LINGO2: variants seen among roughly 807,000 people sequenced by gnomAD.
The protein encoded by LINGO2 is leucine-rich repeat and immunoglobulin-like domain-containing nogo receptor-interacting protein 2.
Under a neutral mutation model 30.6 loss-of-function variants are expected in LINGO2, and 14 were observed. The ratio of observed to expected loss-of-function variants is 0.46; its 90% CI spans 0.30 to 0.72. LINGO2 has a LOEUF of 0.72. LINGO2 is among the 30% of genes least tolerant of loss of function. The probability of loss-of-function intolerance (pLI) is 0.07; values close to 1 mark genes in which losing one functional copy is unlikely to be tolerated. For synonymous variants in LINGO2, 317 were observed against 288.5 expected (o/e 1.10, Z -1.00); for missense variants, 729 against 751.7 (o/e 0.97, Z 0.35).
intron 4 of LINGO2, among the ~76,000 whole-genome samples, chr9:28,278,500 A>C (rs1564091610): frequency 1.3e-5 from 2 of 152,188 alleles, no homozygotes; most frequent in Non-Finnish European, 2.9e-5. Context: ...ATGCTCCTTT[A>C]CCATTTCAAA....
At chr9:28,554,045 T>A (rs1403239187) in intron 1 of LINGO2, among the ~76,000 whole-genome samples, 2 of 152,032 alleles carry the variant, frequency 1.3e-5, no homozygotes, top group Non-Finnish European at 2.9e-5. Flanking sequence ...TGCAAAAGCA[T>A]GCCAAAATGT....
intron 1 of LINGO2, among the ~76,000 whole-genome samples, chr9:28,617,115 T>G (rs1424347852): frequency 6.6e-6 from 1 of 152,142 alleles, no homozygotes. Flanking sequence ...CTATTAATTA[T>G]GAAAAATGGA....
intron 4 of LINGO2, among the ~76,000 whole-genome samples, chr9:28,085,307 A>T (rs1825877495): frequency 1.3e-5 from 2 of 152,068 alleles, no homozygotes; most frequent in Admixed American, 1.3e-4. Context: ...GCAATTGGAG[A>T]AGAGGGGCCC....
At chr9:28,015,330 G>T (rs550968129) in intron 4 of LINGO2, among the ~76,000 whole-genome samples, 1 of 152,146 alleles carries the variant, frequency 6.6e-6, no homozygotes, top group South Asian at 2.1e-4. Context: ...TGTACATGGA[G>T]CTTACAAATT....
chr9:28,430,876 T>A (rs1269042496), intron 2 of LINGO2, among the ~76,000 whole-genome samples: 2 of 152,128 alleles, frequency 1.3e-5, no homozygotes. Flanking sequence ...TAATGGGGAC[T>A]AAAGAATCTG....
the LINGO2 span, among the ~76,000 whole-genome samples, chr9:28,883,628 G>GTGTGTGTATATA: frequency 4.1e-3 from 263 of 64,082 alleles, no homozygotes; most frequent in East Asian, 0.01. Flanking sequence ...ATGTGTGTGT[G>GTGTGTGTATATA]TATATATATA....
rs1386321530 is a variant in LINGO2, at chr9:28,600,817, T to G, written c.-365+69383A>C. Among the ~76,000 whole-genome samples the G allele has an allele frequency of 7.2e-5, 11 of 152,216 alleles. No individual in the cohort carries two copies. The East Asian group carries it at 2.1e-3, about 29-fold the overall frequency. On this transcript the variant is annotated intron_variant, in intron 1 of 5. Transcript: ENST00000379992. The stretch of plus-strand genomic sequence containing the variant: ...TTCACTTAACTAATTTACAGATTCT[T>G]TCTCAAAGTCTTGTTTTTACCATGA...
chr9:28,154,536 G>A (rs1041085936), intron 4 of LINGO2, among the ~76,000 whole-genome samples: 1 of 152,108 alleles, frequency 6.6e-6, no homozygotes, highest in Non-Finnish European at 1.5e-5. Context: ...GAGGAAATGA[G>A]GGTTTATTCA....
chr9:28,357,184 C>T (rs942206340), intron 3 of LINGO2, among the ~76,000 whole-genome samples: 1 of 151,874 alleles, frequency 6.6e-6, no homozygotes. Context: ...ATGGTTCTTT[C>T]GGGTTTGCAA....
At chr9:28,159,381 G>T (rs892699621) in intron 4 of LINGO2, among the ~76,000 whole-genome samples, 5 of 152,078 alleles carry the variant, frequency 3.3e-5, no homozygotes, top group Admixed American at 2.6e-4. Flanking sequence ...ATTAGCACAT[G>T]TGCAGCTTTT....
chr9:27,976,873 T>C (rs891943846), intron 5 of LINGO2, among the ~76,000 whole-genome samples: 4 of 152,120 alleles, frequency 2.6e-5, no homozygotes, highest in Non-Finnish European at 5.9e-5. Flanking sequence ...TGTGTGATAA[T>C]ACACAATGAA....
the LINGO2 span, among the ~76,000 whole-genome samples, chr9:29,188,396 G>C: frequency 1.3e-5 from 2 of 152,098 alleles, no homozygotes; most frequent in African/African-American, 2.4e-5. Flanking sequence ...AGAACAAAAT[G>C]AAAAGTCTCC....
At chr9:28,854,403 G>A in the LINGO2 span, among the ~76,000 whole-genome samples, 8 of 151,990 alleles carry the variant, frequency 5.3e-5, no homozygotes, top group African/African-American at 1.7e-4. Flanking sequence ...AGTATGTGCA[G>A]CATTAAAACT....
the LINGO2 span, among the ~76,000 whole-genome samples, chr9:28,953,685 A>T: frequency 6.6e-6 from 1 of 152,114 alleles, no homozygotes; most frequent in Non-Finnish European, 1.5e-5. Flanking sequence ...CTAGTCTGAT[A>T]TAGACATGTA....
chr9:28,378,491 T>G (rs926977808), intron 2 of LINGO2, among the ~76,000 whole-genome samples: 1 of 152,242 alleles, frequency 6.6e-6, no homozygotes, highest in East Asian at 1.9e-4. Flanking sequence ...TGGGGGACTT[T>G]CCATGAAGAG....
the LINGO2 span, among the ~76,000 whole-genome samples, chr9:28,785,684 ACG>A: frequency 0.1 from 7,470 of 72,230 alleles, 244 homozygotes; most frequent in East Asian, 0.37. Context: ...ACACACACAC[ACG>A]CACACACACA....
intron 5 of LINGO2, among the ~76,000 whole-genome samples, chr9:27,995,156 C>A (rs1040778232): frequency 6.6e-6 from 1 of 152,060 alleles, no homozygotes; most frequent in African/African-American, 2.4e-5. Context: ...TGGATAAATT[C>A]TTAAACACAT....
chr9:28,363,598 C>T (rs1476597812), intron 3 of LINGO2, among the ~76,000 whole-genome samples: 2 of 151,998 alleles, frequency 1.3e-5, no homozygotes, highest in Non-Finnish European at 2.9e-5. Context: ...ATTATTTGTC[C>T]TTTGACAAGC....
intron 1 of LINGO2, among the ~76,000 whole-genome samples, chr9:28,523,037 G>C (rs892813100): frequency 7.9e-5 from 12 of 151,644 alleles, no homozygotes; most frequent in Non-Finnish European, 1.8e-4. Context: ...AAATATAAGA[G>C]ATTAGGCGAA....
Sources: gnomAD v4.1 joint callset for allele counts (sites outside exome capture counted in the v4.1 genomes callset) on GRCh38, gnomAD v4.1.1 for gene constraint, MANE v1.5 for transcripts, NCBI Gene and HGNC (gene_info 2026-07-23, HGNC 2026-07-21) for gene names.